DENND5A: variants seen among roughly 807,000 people sequenced by gnomAD.
DENND5A encodes the protein DENN domain containing 5A.
Under a neutral mutation model 140.3 loss-of-function variants are expected in DENND5A, and 64 were observed. That is an observed-to-expected ratio of 0.46 (90% CI 0.37 to 0.56). The LOEUF is 0.56. DENND5A is among the 20% of genes least tolerant of loss of function. DENND5A has a pLI of 0.00. For synonymous variants in DENND5A, 605 were observed against 607.7 expected, an observed-to-expected ratio of 1.00 and a Z score of 0.07; for missense variants, 1,292 against 1,593.8, an observed-to-expected ratio of 0.81 and a Z score of 3.22.
intron 1 of DENND5A, among the ~76,000 whole-genome samples, chr11:9,231,715 C>CAAAAAAA (rs71062818): frequency 2.0e-4 from 16 of 78,964 alleles, no homozygotes; most frequent in East Asian, 4.4e-4. Context: ...AACTCCGTCT[C>CAAAAAAA]AAAAAAAAAA....
intron 22 of DENND5A, among the ~76,000 whole-genome samples, chr11:9,141,507 G>A (rs768815552): frequency 5.3e-5 from 8 of 152,120 alleles, no homozygotes; most frequent in East Asian, 3.9e-4. Flanking sequence ...GCTACAAATC[G>A]GTACAGCCCT....
At chr11:9,152,270 CTGGAATAGTT>C in intron 13 of DENND5A, 78 bp downstream of exon 13, 1 of 991,204 alleles carries the variant, frequency 1.0e-6, no homozygotes, top group South Asian at 1.3e-5. Flanking sequence ...CTTCTTCGAC[CTGGAATAGTT>C]TGCTTCAAAG....
chr11:9,204,282 C>A lies in DENND5A; in HGVS notation c.327G>T (p.Gln109His). Residue 109 changes from glutamine (Q) to histidine (H), a missense_variant, in exon 4 of 23, where the codon CAG (glutamine) becomes CAT (histidine). Coordinates refer to ENST00000328194, the MANE Select transcript of DENND5A (RefSeq NM_015213.4). ...GGAATTGGGGCTCCCTGGGATCAGC[C>A]TGGGTCTTGAATGCCAGCCCTTTCG... is the stretch of plus-strand genomic sequence containing the variant. ...CMPKGLAFKT[Q>H]ADPREPQFHA... The A allele has an allele frequency of 6.2e-7, 1 of 1,613,244 alleles. No individual in the cohort carries two copies. The highest frequency in any genetic ancestry group is 8.5e-7 in the Non-Finnish European group (1 of 1,179,980).
chr11:9,193,640 G>A lies in DENND5A; in HGVS notation c.991C>T (p.Leu331Phe). The change falls in exon 5 of 23, where the codon CTC (leucine) becomes TTC (phenylalanine). Residue 331 changes from leucine (L) to phenylalanine (F), a missense_variant. By Grantham distance (22) the Leu-to-Phe change is conservative (BLOSUM62 0). Transcript: ENST00000328194. ...TGCTGCCACTGGAAAGGAAACATGA[G>A]AGCTGTAATCGTCTCCGCCACAGTC... is the stretch of plus-strand genomic sequence containing the variant. ...LMTVAETITALMFPFQWQHVY... is the reference protein window; with the variant it reads ...LMTVAETITAFMFPFQWQHVY... The A allele has an allele frequency of 4.3e-6, 7 of 1,613,928 alleles. No homozygotes were observed. The highest frequency in any genetic ancestry group is 5.9e-6 in the Non-Finnish European group (7 of 1,179,934).
chr11:9,241,804 C>A (rs984593181), intron 1 of DENND5A, among the ~76,000 whole-genome samples: 1 of 152,032 alleles, frequency 6.6e-6, no homozygotes, highest in African/African-American at 2.4e-5. Flanking sequence ...CACCTGAGGT[C>A]GGAAGTTCAA....
chr11:9,143,051 G>A (rs560393977), intron 20 of DENND5A: 4 of 636,348 alleles, frequency 6.3e-6, no homozygotes, highest in Admixed American at 6.0e-5. Flanking sequence ...AAGAAGAGAT[G>A]ATGGATCTGG....
At chr11:9,198,425 A>G (rs187228676) in intron 4 of DENND5A, among the ~76,000 whole-genome samples, 116 of 152,168 alleles carry the variant, frequency 7.6e-4, no homozygotes, top group Admixed American at 5.7e-3. Flanking sequence ...ATCCTGGCCA[A>G]CATGGAGAAA....
intron 8 of DENND5A, among the ~76,000 whole-genome samples, chr11:9,173,995 C>A (rs1848460242): frequency 6.8e-6 from 1 of 146,806 alleles, no homozygotes; most frequent in African/African-American, 2.5e-5. Context: ...CCCAGCTACT[C>A]GGGAGGCTGA....
In DENND5A at chr11:9,243,867, C is replaced by G. The variant is rs1367271479; in HGVS notation, c.109+21094G>C. 2.6e-5 allele frequency among the ~76,000 whole-genome samples: 4 copies of G among 152,280 alleles called. No individual in the cohort carries two copies. The East Asian group carries it at 7.7e-4, about 29-fold the overall frequency. On this transcript the variant is annotated intron_variant, in intron 1 of 22. Transcript: ENST00000328194. ...CACCACTGCACTCCAGCCTGGGCGA[C>G]AGAACGAGACTCCATCTCACACACA...
chr11:9,235,868 G>A (rs74883875), intron 1 of DENND5A, among the ~76,000 whole-genome samples: 3,846 of 152,176 alleles, frequency 0.025, 69 homozygotes, highest in Non-Finnish European at 0.038. Context: ...TTTCTTTTGA[G>A]GAGATGAAAA....
intron 1 of DENND5A, among the ~76,000 whole-genome samples, chr11:9,223,195 C>A (rs1429550492): frequency 1.3e-5 from 2 of 151,344 alleles, no homozygotes; most frequent in Non-Finnish European, 2.9e-5. Context: ...TCAAGACCAG[C>A]CGAAGCAACA....
At chr11:9,198,883 C>A (rs1849426864) in intron 4 of DENND5A, among the ~76,000 whole-genome samples, 1 of 149,098 alleles carries the variant, frequency 6.7e-6, no homozygotes, top group Non-Finnish European at 1.5e-5. Context: ...CCAGCCCGGC[C>A]AACATGGTGA....
At position 9,155,837 on chromosome 11, in the gene DENND5A, G is replaced by A. The variant is rs1182175866; in HGVS notation, c.2437-3395C>T. Among the ~76,000 whole-genome samples the A allele has an allele frequency of 2.0e-5, 3 of 152,350 alleles. No homozygotes were observed. In the East Asian group the frequency reaches 5.8e-4, roughly 29 times the overall value. On this transcript the variant is annotated intron_variant, in intron 12 of 22. Transcript: ENST00000328194. ...CACTGAAAGCCAAAGAGAGTGGTGA[G>A]GATAACAGAGGTTCTTATGAAGACT...
intron 1 of DENND5A, among the ~76,000 whole-genome samples, chr11:9,229,519 C>A (rs1205140142): frequency 5.3e-5 from 8 of 152,076 alleles, no homozygotes; most frequent in African/African-American, 1.9e-4. Context: ...CCCCTTTCCC[C>A]AAGGCGGGTC....
chr11:9,192,627 C>CAA (rs759596694), intron 5 of DENND5A, among the ~76,000 whole-genome samples: 11 of 101,980 alleles, frequency 1.1e-4, no homozygotes, highest in Admixed American at 1.0e-4. Context: ...GACTTCGTCT[C>CAA]AAAAAAAAAA....
At chr11:9,199,694 A>G (rs993182011) in intron 4 of DENND5A, among the ~76,000 whole-genome samples, 1 of 152,202 alleles carries the variant, frequency 6.6e-6, no homozygotes, top group African/African-American at 2.4e-5. Flanking sequence ...TTCAGCCTGC[A>G]TTCCTTTTCC....
intron 4 of DENND5A, among the ~76,000 whole-genome samples, chr11:9,201,253 T>C (rs1046191961): frequency 6.6e-6 from 1 of 151,502 alleles, no homozygotes; most frequent in African/African-American, 2.4e-5. Flanking sequence ...TGGGCACCTG[T>C]AGTCCCAGCT....
At chr11:9,179,498 A>AC (rs1256008452) in intron 6 of DENND5A, among the ~76,000 whole-genome samples, 1 of 142,390 alleles carries the variant, frequency 7.0e-6, no homozygotes, top group Non-Finnish European at 1.5e-5. Context: ...CTGCAAAAAA[A>AC]CCTTTTTTTT....
At chr11:9,173,621 C>G (rs766258975) in intron 8 of DENND5A, among the ~76,000 whole-genome samples, 10 of 152,180 alleles carry the variant, frequency 6.6e-5, no homozygotes, top group Non-Finnish European at 1.3e-4. Context: ...TACCAAACAG[C>G]TGGGAGTATG....
Sources: allele counts gnomAD v4.1 joint callset (sites outside exome capture counted in the v4.1 genomes callset), GRCh38; gene constraint gnomAD v4.1.1; transcripts MANE v1.5; gene names NCBI Gene and HGNC (gene_info 2026-07-23, HGNC 2026-07-21).